Variants in NAV2 observed in about 807,000 individuals in gnomAD.
The protein encoded by NAV2 is neuron navigator 2.
NAV2 carries 54 observed loss-of-function variants against 223.2 expected under a neutral mutation model. The observed-to-expected ratio is 0.24, with a 90% CI of 0.19 to 0.30. The LOEUF (loss-of-function observed/expected upper bound fraction) is 0.30, where lower values mean the gene tolerates loss of function less well. NAV2 is among the 10% of genes least tolerant of loss of function. NAV2 has a pLI of 1.00. For synonymous variants in NAV2, 1,279 were observed against 1,239.3 expected, an observed-to-expected ratio of 1.03 and a Z score of -0.67; for missense variants, 2,806 against 3,147.5, an observed-to-expected ratio of 0.89 and a Z score of 2.60.
intron 1 of NAV2, among the ~76,000 whole-genome samples, chr11:19,577,436 G>C (rs142915112): frequency 7.7e-4 from 118 of 152,346 alleles, no homozygotes; most frequent in African/African-American, 2.8e-3. Context: ...TGCCACGAGG[G>C]CGCAGCCATC....
intron 1 of NAV2, among the ~76,000 whole-genome samples, chr11:19,625,693 T>C (rs1212057061): frequency 6.6e-6 from 1 of 152,226 alleles, no homozygotes. Context: ...CTTTTCTCTG[T>C]ATCTTTGCCA....
intron 6 of NAV2, among the ~76,000 whole-genome samples, chr11:19,931,376 T>G (rs1430149451): frequency 6.6e-6 from 1 of 152,090 alleles, no homozygotes; most frequent in Admixed American, 6.5e-5. Flanking sequence ...TTTAAAACAT[T>G]GGGAGGTCTG....
At chr11:20,096,643 A>G (rs546297489) in intron 30 of NAV2, among the ~76,000 whole-genome samples, 4 of 152,338 alleles carry the variant, frequency 2.6e-5, no homozygotes, top group African/African-American at 9.6e-5. Flanking sequence ...ATGTTGGTTC[A>G]AAAGTAATTG....
chr11:19,513,377 C>A (rs1221195963), intron 1 of NAV2, among the ~76,000 whole-genome samples: 1 of 152,204 alleles, frequency 6.6e-6, no homozygotes, highest in Non-Finnish European at 1.5e-5. Flanking sequence ...CTTTGGGAAG[C>A]CCTGCTGGTT....
chr11:19,418,653 A>T (rs1184302253), intron 1 of NAV2, among the ~76,000 whole-genome samples: 1 of 152,168 alleles, frequency 6.6e-6, no homozygotes, highest in Non-Finnish European at 1.5e-5. Flanking sequence ...AGCCAAGGGG[A>T]GAATGGATTG....
chr11:19,983,938 G>T (rs2568117), intron 10 of NAV2, among the ~76,000 whole-genome samples, 187 bp from the exon 11 acceptor site: 150,560 of 152,304 alleles, frequency 0.99, 74,445 homozygotes, highest in East Asian at 1. Context: ...AGCGAGCTGG[G>T]GATCCTCTAG....
intron 6 of NAV2, among the ~76,000 whole-genome samples, chr11:19,917,204 C>A (rs778594722): frequency 6.6e-6 from 1 of 152,208 alleles, no homozygotes; most frequent in Non-Finnish European, 1.5e-5. Context: ...TGAGGTGCTG[C>A]CTCCAGCCTT....
intron 1 of NAV2, among the ~76,000 whole-genome samples, chr11:19,438,576 A>G (rs760120071): frequency 5.3e-5 from 8 of 152,202 alleles, no homozygotes; most frequent in Non-Finnish European, 1.2e-4. Flanking sequence ...ATTCCATTCA[A>G]TTCTGACTCT....
intron 1 of NAV2, among the ~76,000 whole-genome samples, chr11:19,415,648 A>C (rs1850335253): frequency 6.6e-6 from 1 of 152,176 alleles, no homozygotes; most frequent in Non-Finnish European, 1.5e-5. Flanking sequence ...CAAAAAAAGA[A>C]AATTTCAGGC....
intron 4 of NAV2, 117 bp from the exon 5 acceptor site, chr11:19,879,752 A>G: frequency 8.8e-7 from 1 of 1,141,484 alleles, no homozygotes; most frequent in South Asian, 1.4e-5. Context: ...ATACCAATGA[A>G]GTGTTCAGGA....
At chr11:19,412,001 A>C (rs1209997048) in intron 1 of NAV2, among the ~76,000 whole-genome samples, 2 of 152,122 alleles carry the variant, frequency 1.3e-5, no homozygotes, top group Non-Finnish European at 2.9e-5. Context: ...TGGAAAGAAA[A>C]CCAGGGGTCT....
intron 15 of NAV2, 89 bp from the exon 16 acceptor site, chr11:20,049,747 G>A: frequency 1.6e-6 from 2 of 1,254,044 alleles, no homozygotes; most frequent in Non-Finnish European, 2.3e-6. Flanking sequence ...GGATCAGCAT[G>A]GGGAATGAAA....
intron 10 of NAV2, among the ~76,000 whole-genome samples, chr11:19,950,717 G>C (rs1012826155): frequency 1.3e-5 from 2 of 152,174 alleles, no homozygotes; most frequent in Non-Finnish European, 2.9e-5. Context: ...CCCTCTGAAG[G>C]TTCACTGGAA....
intron 1 of NAV2, among the ~76,000 whole-genome samples, chr11:19,641,443 C>T (rs763204343): frequency 2.6e-5 from 4 of 152,040 alleles, no homozygotes; most frequent in Non-Finnish European, 4.4e-5. Flanking sequence ...CTTGCTGCCT[C>T]TATTCTTGCT....
At chr11:19,787,975 G>T (rs1034975590) in intron 1 of NAV2, among the ~76,000 whole-genome samples, 1 of 152,114 alleles carries the variant, frequency 6.6e-6, no homozygotes, top group Admixed American at 6.5e-5. Context: ...CTGGATGCCC[G>T]TCCCACATGT....
chr11:19,982,393 A>G (rs1240362766), intron 10 of NAV2, among the ~76,000 whole-genome samples: 3 of 151,996 alleles, frequency 2.0e-5, no homozygotes, highest in African/African-American at 7.2e-5. Context: ...TCAGCCTCCC[A>G]AGTAGCTGGG....
chr11:19,637,104 A>G (rs576069397), intron 1 of NAV2, among the ~76,000 whole-genome samples: 2 of 152,284 alleles, frequency 1.3e-5, no homozygotes, highest in African/African-American at 4.8e-5. Flanking sequence ...AAGCCTCACT[A>G]CTTCCCATGT....
chr11:19,641,494 C>T (rs560419555), intron 1 of NAV2, among the ~76,000 whole-genome samples: 1 of 152,068 alleles, frequency 6.6e-6, no homozygotes, highest in East Asian at 1.9e-4. Flanking sequence ...TGAGTTGAAA[C>T]CCTTGGAAGA....
At chr11:19,430,225 C>T (rs2133586876) in intron 1 of NAV2, among the ~76,000 whole-genome samples, 1 of 152,304 alleles carries the variant, frequency 6.6e-6, no homozygotes, top group East Asian at 1.9e-4. Flanking sequence ...GCAGCTGATG[C>T]TCTTTGCACT....
Sources: gnomAD v4.1 joint callset for allele counts (sites outside exome capture counted in the v4.1 genomes callset) on GRCh38, gnomAD v4.1.1 for gene constraint, MANE v1.5 for transcripts, NCBI Gene and HGNC (gene_info 2026-07-23, HGNC 2026-07-21) for gene names.